Variants in RBFOX1 observed in about 807,000 individuals in gnomAD.
The protein encoded by RBFOX1 is RNA binding fox-1 homolog 1, also known as RNA binding protein fox-1 homolog 1.
A neutral mutation model predicts 57.7 loss-of-function variants in RBFOX1; 8 were observed. That is an observed-to-expected ratio of 0.14 (90% CI 0.08 to 0.25). The LOEUF (loss-of-function observed/expected upper bound fraction) is 0.25. Ranked by LOEUF, RBFOX1 falls within the 10% of genes least tolerant of loss-of-function variation. The pLI, the probability that RBFOX1 is intolerant of heterozygous loss-of-function variation, is 1.00. For missense variants in RBFOX1, 611 were observed against 548.5 expected, an observed-to-expected ratio of 1.11 and a Z score of -1.14; for synonymous variants, 326 against 222.4, an observed-to-expected ratio of 1.47 and a Z score of -4.15.
intron 1 of RBFOX1, among the ~76,000 whole-genome samples, chr16:5,360,891 A>G (rs1232816251): frequency 6.6e-6 from 1 of 152,192 alleles, no homozygotes; most frequent in East Asian, 1.9e-4. Flanking sequence ...CTTTCCCAGC[A>G]GCACAAGCAC....
chr16:7,557,175 G>C (rs770889610), intron 5 of RBFOX1, among the ~76,000 whole-genome samples: 1 of 152,100 alleles, frequency 6.6e-6, no homozygotes, highest in Non-Finnish European at 1.5e-5. Flanking sequence ...CTACTGTCAC[G>C]TGCTACTCAT....
At chr16:6,905,952 A>G (rs1232196760) in intron 3 of RBFOX1, among the ~76,000 whole-genome samples, 2 of 152,108 alleles carry the variant, frequency 1.3e-5, no homozygotes, top group Admixed American at 1.3e-4. Context: ...TTCCAAGGTG[A>G]GCTTTGTTAG....
intron 2 of RBFOX1, among the ~76,000 whole-genome samples, chr16:5,536,101 C>G (rs74596085): frequency 2.6e-5 from 3 of 117,068 alleles, no homozygotes; most frequent in Non-Finnish European, 5.5e-5. Context: ...TCAAGCCCCC[C>G]CCCCCTTTTT....
chr16:5,874,419 C>T (rs1395728853), intron 4 of RBFOX1, among the ~76,000 whole-genome samples: 6 of 152,104 alleles, frequency 3.9e-5, no homozygotes, highest in Admixed American at 6.5e-5. Flanking sequence ...AAAGGTGATC[C>T]GAGTGTTCTT....
At chr16:7,657,856 A>G (rs193153998) in intron 12 of RBFOX1, among the ~76,000 whole-genome samples, 2 of 152,336 alleles carry the variant, frequency 1.3e-5, no homozygotes, top group African/African-American at 4.8e-5. Context: ...TTGATTGCCA[A>G]CATCAATTGA....
At chr16:6,636,539 A>C (rs2098435346) in intron 2 of RBFOX1, among the ~76,000 whole-genome samples, 1 of 151,848 alleles carries the variant, frequency 6.6e-6, no homozygotes, top group South Asian at 2.1e-4. Flanking sequence ...TAAACCTCTA[A>C]TTACTGTAGC....
chr16:6,575,485 C>G (rs571763290), intron 2 of RBFOX1, among the ~76,000 whole-genome samples: 15 of 152,288 alleles, frequency 9.8e-5, no homozygotes, highest in Admixed American at 2.0e-4. Context: ...AAAAGCATCA[C>G]TGATCTTCTA....
intron 11 of RBFOX1, among the ~76,000 whole-genome samples, chr16:7,637,252 C>G (rs1175948543): frequency 6.9e-6 from 1 of 145,842 alleles, no homozygotes; most frequent in Non-Finnish European, 1.5e-5. Flanking sequence ...AAATTTTCAC[C>G]CTGATACCCT....
At chr16:7,239,989 CTG>C (rs1396106086) in intron 4 of RBFOX1, among the ~76,000 whole-genome samples, 2 of 152,104 alleles carry the variant, frequency 1.3e-5, no homozygotes, top group Non-Finnish European at 2.9e-5. Flanking sequence ...TTATTTGAGA[CTG>C]AGCCTAGCTC....
chr16:5,627,938 A>T (rs2048393011), intron 3 of RBFOX1, among the ~76,000 whole-genome samples: 1 of 152,206 alleles, frequency 6.6e-6, no homozygotes. Flanking sequence ...GATTGTGCCT[A>T]ATTAAAACTG....
At chr16:6,400,701 A>G (rs920992931) in intron 2 of RBFOX1, among the ~76,000 whole-genome samples, 1 of 152,178 alleles carries the variant, frequency 6.6e-6, no homozygotes, top group Non-Finnish European at 1.5e-5. Context: ...AAATCACTTC[A>G]AATCTGGCCA....
chr16:7,607,348 T>G lies in RBFOX1; in HGVS notation c.676+10T>G, dbSNP rs1184364843. On this transcript the variant is annotated intron_variant, in intron 10 of 15. Transcript: ENST00000550418. The stretch of plus-strand genomic sequence containing the variant: ...CCCGAATTCTATGCAGGTACAGAGT[T>G]TCTCTTTGCACGAAGTCTTCTCAGT... The G allele has an allele frequency of 1.9e-6, 3 of 1,607,756 alleles. No homozygotes were observed. The Admixed American group carries it at 5.1e-5, about 28-fold the overall frequency.
At chr16:6,850,499 G>A (rs2094003818) in intron 3 of RBFOX1, among the ~76,000 whole-genome samples, 1 of 152,076 alleles carries the variant, frequency 6.6e-6, no homozygotes, top group South Asian at 2.1e-4. Flanking sequence ...GGTACAATAA[G>A]AGAAGAGATG....
At chr16:7,473,561 A>G (rs758895608) in intron 4 of RBFOX1, among the ~76,000 whole-genome samples, 2 of 150,944 alleles carry the variant, frequency 1.3e-5, no homozygotes, top group Non-Finnish European at 2.9e-5. Context: ...GTATTTAGCG[A>G]AAGCAGTTTG....
chr16:6,896,657 G>A lies in RBFOX1; in HGVS notation c.-15-155400G>A, dbSNP rs190136191. Among the ~76,000 whole-genome samples the A allele has an allele frequency of 4.6e-5, 7 of 152,248 alleles. No homozygotes were observed. The East Asian group carries it at 1.4e-3, about 29-fold the overall frequency. On this transcript the variant is annotated intron_variant, in intron 3 of 15. Transcript: ENST00000550418. ...TTCAAACGCACTTAGAACAGTGCTT[G>A]GGCATCATCAACGCCATATAAGTGC...
intron 2 of RBFOX1, among the ~76,000 whole-genome samples, chr16:6,554,588 C>A (rs948081205): frequency 1.3e-5 from 2 of 152,142 alleles, no homozygotes; most frequent in Admixed American, 6.5e-5. Context: ...AAAAAGGTTT[C>A]CGCTTATTAA....
At chr16:6,871,378 G>A (rs541847000) in intron 3 of RBFOX1, among the ~76,000 whole-genome samples, 4 of 152,022 alleles carry the variant, frequency 2.6e-5, no homozygotes, top group Non-Finnish European at 5.9e-5. Context: ...TAGACATAGG[G>A]TTTCAGTATG....
At chr16:6,574,370 G>A (rs1435285999) in intron 2 of RBFOX1, among the ~76,000 whole-genome samples, 1 of 151,360 alleles carries the variant, frequency 6.6e-6, no homozygotes, top group Admixed American at 6.6e-5. Flanking sequence ...GCGTGGGAAT[G>A]CTGTGAGGAG....
chr16:6,219,941 A>G (rs1398105291), intron 1 of RBFOX1, among the ~76,000 whole-genome samples: 1 of 152,148 alleles, frequency 6.6e-6, no homozygotes, highest in Non-Finnish European at 1.5e-5. Context: ...AATACATGAA[A>G]AGCTCTTAGC....
Sources: gnomAD v4.1 joint callset for allele counts (sites outside exome capture counted in the v4.1 genomes callset) on GRCh38, gnomAD v4.1.1 for gene constraint, MANE v1.5 for transcripts, NCBI Gene and HGNC (gene_info 2026-07-23, HGNC 2026-07-21) for gene names.